GRIK2: variants seen among roughly 807,000 people sequenced by gnomAD.
GRIK2 encodes the protein glutamate receptor ionotropic, kainate 2.
GRIK2 carries 32 observed loss-of-function variants against 100.3 expected under a neutral mutation model. The ratio of observed to expected loss-of-function variants is 0.32; its 90% CI spans 0.24 to 0.43. The LOEUF is 0.43. Ranked by LOEUF, GRIK2 falls within the 20% of genes least tolerant of loss-of-function variation. The pLI is 1.00. For synonymous variants in GRIK2, 417 were observed against 389.4 expected, an observed-to-expected ratio of 1.07 and a Z score of -0.83; for missense variants, 843 against 1,114.9, an observed-to-expected ratio of 0.76 and a Z score of 3.47.
chr6:102,061,935 TGAC>T (rs1420059924), intron 16 of GRIK2, among the ~76,000 whole-genome samples: 2 of 150,442 alleles, frequency 1.3e-5, no homozygotes, highest in East Asian at 3.9e-4. Context: ...CGTATCATTA[TGAC>T]TACTAGCAAA....
At chr6:101,726,813 T>C (rs1774903235) in intron 7 of GRIK2, among the ~76,000 whole-genome samples, 1 of 152,056 alleles carries the variant, frequency 6.6e-6, no homozygotes, top group African/African-American at 2.4e-5. Context: ...AAGTTTATGT[T>C]TCTAAATAAA....
intron 7 of GRIK2, among the ~76,000 whole-genome samples, chr6:101,778,474 C>T (rs971581554): frequency 6.6e-6 from 1 of 152,050 alleles, no homozygotes; most frequent in African/African-American, 2.4e-5. Flanking sequence ...TGCTAATAAA[C>T]AACAAGTCTT....
chr6:101,847,111 C>G (rs1166521043), intron 10 of GRIK2, among the ~76,000 whole-genome samples: 1 of 151,518 alleles, frequency 6.6e-6, no homozygotes, highest in African/African-American at 2.4e-5. Context: ...ATTTTTCTTC[C>G]TTTTTAATGT....
chr6:101,414,365 A>G (rs1170855358), intron 2 of GRIK2, among the ~76,000 whole-genome samples: 2 of 152,082 alleles, frequency 1.3e-5, no homozygotes. Context: ...CCATTAATTT[A>G]TTTCTTCTGT....
At chr6:101,454,215 C>A (rs1007463095) in intron 2 of GRIK2, among the ~76,000 whole-genome samples, 15 of 152,028 alleles carry the variant, frequency 9.9e-5, no homozygotes, top group African/African-American at 3.6e-4. Context: ...TTGTATAAAA[C>A]AAGTTTGTTC....
chr6:101,924,244 A>G (rs1303248340), intron 12 of GRIK2, among the ~76,000 whole-genome samples: 1 of 152,092 alleles, frequency 6.6e-6, no homozygotes, highest in Non-Finnish European at 1.5e-5. Context: ...AAAATGTTTC[A>G]CAACTAAGTT....
At chr6:101,833,616 C>CTAAATGTGCCATTA (rs1165311844) in intron 10 of GRIK2, among the ~76,000 whole-genome samples, 2 of 152,142 alleles carry the variant, frequency 1.3e-5, no homozygotes, top group South Asian at 4.1e-4. Context: ...AGAATGGGCA[C>CTAAATGTGCCATTA]TAAATACAAA....
chr6:102,038,154 A>G (rs1770371018), intron 15 of GRIK2, among the ~76,000 whole-genome samples: 1 of 151,452 alleles, frequency 6.6e-6, no homozygotes, highest in Non-Finnish European at 1.5e-5. Flanking sequence ...TGTGCTTGAT[A>G]GATTCTCAGA....
At chr6:101,520,788 A>T (rs772184294) in intron 2 of GRIK2, among the ~76,000 whole-genome samples, 1 of 152,228 alleles carries the variant, frequency 6.6e-6, no homozygotes, top group East Asian at 1.9e-4. Context: ...ATACAATGCT[A>T]TGCAATGGCA....
chr6:101,425,206 G>A (rs533367726), intron 2 of GRIK2, among the ~76,000 whole-genome samples: 1 of 152,128 alleles, frequency 6.6e-6, no homozygotes, highest in East Asian at 1.9e-4. Context: ...GGGTCAAATG[G>A]TATTTCTGGT....
intron 7 of GRIK2, among the ~76,000 whole-genome samples, chr6:101,712,500 A>G (rs1773788038): frequency 6.6e-6 from 1 of 151,872 alleles, no homozygotes; most frequent in African/African-American, 2.4e-5. Flanking sequence ...TCGAATATTC[A>G]TTAGTGTATT....
At chr6:101,523,216 AT>A (rs1269421150) in intron 2 of GRIK2, among the ~76,000 whole-genome samples, 1 of 152,052 alleles carries the variant, frequency 6.6e-6, no homozygotes, top group African/African-American at 2.4e-5. Flanking sequence ...GCCAGAAATA[AT>A]TTTTCCATGA....
At chr6:101,447,626 A>T (rs1222314892) in intron 2 of GRIK2, among the ~76,000 whole-genome samples, 1 of 151,710 alleles carries the variant, frequency 6.6e-6, no homozygotes, top group Non-Finnish European at 1.5e-5. Flanking sequence ...GAAGGAGTGT[A>T]GCTCCCATGT....
intron 2 of GRIK2, among the ~76,000 whole-genome samples, chr6:101,494,978 T>TAC (rs1773353768): frequency 7.1e-6 from 1 of 141,688 alleles, no homozygotes; most frequent in African/African-American, 2.7e-5. Context: ...CATTTATATA[T>TAC]ATATATATAT....
intron 10 of GRIK2, among the ~76,000 whole-genome samples, chr6:101,858,624 C>G (rs541845452): frequency 2.6e-5 from 4 of 151,792 alleles, no homozygotes; most frequent in Non-Finnish European, 5.9e-5. Flanking sequence ...CTCCTGACCT[C>G]GTGATCTGCC....
intron 7 of GRIK2, among the ~76,000 whole-genome samples, chr6:101,702,062 A>AGAAAAGGTCAGTAGTAG (rs6149725): frequency 1.3e-5 from 2 of 151,720 alleles, no homozygotes; most frequent in East Asian, 1.9e-4. Context: ...TGGTATTCTT[A>AGAAAAGGTCAGTAGTAG]TTTTTCTATA....
intron 7 of GRIK2, among the ~76,000 whole-genome samples, chr6:101,750,768 G>A (rs1474089263): frequency 1.3e-5 from 2 of 152,210 alleles, no homozygotes; most frequent in Non-Finnish European, 2.9e-5. Flanking sequence ...GTTAGGTTAA[G>A]CCTTGTGGAT....
chr6:101,976,382 T>G (rs1793378740), intron 14 of GRIK2, among the ~76,000 whole-genome samples: 1 of 151,882 alleles, frequency 6.6e-6, no homozygotes, highest in Non-Finnish European at 1.5e-5. Context: ...TTTAGGTTAC[T>G]GGAAAAAAAG....
intron 2 of GRIK2, among the ~76,000 whole-genome samples, chr6:101,399,756 C>T (rs1357476758): frequency 6.6e-6 from 1 of 152,156 alleles, no homozygotes; most frequent in Non-Finnish European, 1.5e-5. Flanking sequence ...AAGTGCGCGC[C>T]GGGGCTGCAC....
Sources: gnomAD v4.1 joint callset for allele counts (sites outside exome capture counted in the v4.1 genomes callset) on GRCh38, gnomAD v4.1.1 for gene constraint, MANE v1.5 for transcripts, NCBI Gene and HGNC (gene_info 2026-07-23, HGNC 2026-07-21) for gene names.